Variants in RNGTT observed in about 807,000 individuals in gnomAD.
RNGTT encodes RNA guanylyltransferase and 5'-phosphatase, also known as mRNA-capping enzyme.
Under a neutral mutation model 79.3 loss-of-function variants are expected in RNGTT, and 33 were observed. The ratio of observed to expected loss-of-function variants is 0.42; its 90% CI spans 0.32 to 0.56. RNGTT has a LOEUF of 0.56. Among genes scored for constraint, RNGTT ranks in the 20% least tolerant of loss-of-function variants. The pLI, the probability that RNGTT is intolerant of heterozygous loss-of-function variation, is 0.17. For missense variants in RNGTT, 497 were observed against 739.1 expected (o/e 0.67, Z 3.80); for synonymous variants, 222 against 235.9 (o/e 0.94, Z 0.54).
chr6:88,778,151 T>C (rs150209487), intron 12 of RNGTT, among the ~76,000 whole-genome samples: 3 of 152,288 alleles, frequency 2.0e-5, no homozygotes, highest in African/African-American at 7.2e-5. Context: ...CACTTGGGGA[T>C]TTTAAATGTA....
At chr6:88,941,695 G>T (rs904919018) in intron 1 of RNGTT, among the ~76,000 whole-genome samples, 5 of 144,434 alleles carry the variant, frequency 3.5e-5, no homozygotes, top group Non-Finnish European at 6.0e-5. Context: ...ACGGAGTCTC[G>T]CTCTGTAGCC....
Position 88,611,209 on chromosome 6 carries a change from A to G in RNGTT, c.*1510T>C, listed in dbSNP as rs1232438947. 1 of 152,644 alleles carries G rather than the reference A, an allele frequency of 6.6e-6. No homozygotes were observed. Among genetic ancestry groups the G allele is most frequent in the Non-Finnish European group, 1.5e-5 (1 of 68,050 alleles). The allele number at this position is 152,644 out of a possible 1,614,324, so 9.5% of individuals were successfully genotyped here. On this transcript the variant is annotated 3_prime_UTR_variant, in exon 16 of 16. Transcript: ENST00000369485. ...GCAGGAGAAAACTTTGTTTAAAAAC[A>G]TTAAAACTCAGGTGAATATAAATAC... is the stretch of plus-strand genomic sequence containing the variant.
At chr6:88,809,907 G>A (rs1780080310) in intron 11 of RNGTT, among the ~76,000 whole-genome samples, 2 of 151,356 alleles carry the variant, frequency 1.3e-5, no homozygotes, top group African/African-American at 4.9e-5. Flanking sequence ...AAAGTAGCCA[G>A]GCATGGTGGC....
chr6:88,633,664 C>T (rs1389936742), intron 14 of RNGTT, among the ~76,000 whole-genome samples: 1 of 152,056 alleles, frequency 6.6e-6, no homozygotes, highest in African/African-American at 2.4e-5. Flanking sequence ...AGTCTCTTTC[C>T]AATTCTGCAT....
intron 11 of RNGTT, among the ~76,000 whole-genome samples, chr6:88,803,333 T>C (rs1582479147): frequency 1.3e-5 from 2 of 152,016 alleles, no homozygotes. Flanking sequence ...CCCAGCAATT[T>C]GGGAGGCTGA....
intron 13 of RNGTT, among the ~76,000 whole-genome samples, chr6:88,717,237 A>T (rs1776549753): frequency 6.6e-6 from 1 of 152,228 alleles, no homozygotes; most frequent in South Asian, 2.1e-4. Context: ...GTTATTGTTC[A>T]ATATAATACT....
chr6:88,694,422 A>G (rs1287018710), intron 13 of RNGTT, among the ~76,000 whole-genome samples: 1 of 152,174 alleles, frequency 6.6e-6, no homozygotes, highest in Non-Finnish European at 1.5e-5. Context: ...ACGAAAAATT[A>G]TAAAACACTG....
intron 14 of RNGTT, among the ~76,000 whole-genome samples, chr6:88,656,409 T>C (rs990730597): frequency 2.0e-5 from 3 of 152,168 alleles, no homozygotes; most frequent in African/African-American, 7.2e-5. Context: ...TATTTTAGGA[T>C]AAACAAGAGG....
At position 88,692,453 on chromosome 6, in the gene RNGTT, CA is replaced by C. The variant is rs71754733; in HGVS notation, c.1440-14035del. ...AGTCATACAACAAAATAATACTCAG[CA>C]AAAAAAAAAAGGGCTATTGATAAAT... is the stretch of plus-strand genomic sequence containing the variant. On this transcript the variant is annotated intron_variant, in intron 13 of 15. Transcript: ENST00000369485. 8.7e-3 allele frequency among the ~76,000 whole-genome samples: 1,153 copies of C among 133,112 alleles called. 12 individuals are homozygous for C. The highest frequency in any genetic ancestry group is 0.06 in the East Asian group (279 of 4,672). The allele number at this position is 133,112 out of a possible 152,430, so 87.3% of individuals were successfully genotyped here. A position where few individuals can be genotyped will look rare whatever the true frequency, so the allele number is the denominator to read the frequency against.
intron 6 of RNGTT, among the ~76,000 whole-genome samples, chr6:88,897,383 C>T (rs1007036218): frequency 1.5e-4 from 23 of 152,120 alleles, no homozygotes; most frequent in African/African-American, 5.6e-4. Context: ...TATTTCCCTC[C>T]TATTGCTGAA....
At chr6:88,694,773 CA>C (rs1237592934) in intron 13 of RNGTT, among the ~76,000 whole-genome samples, 3 of 152,096 alleles carry the variant, frequency 2.0e-5, no homozygotes, top group African/African-American at 4.8e-5. Context: ...AGAGAATAGA[CA>C]GCTCAGAAAT....
rs71024314 is a variant in RNGTT at position 88,901,495 on chromosome 6, C to CTTTTT, written c.684+3215_684+3219dup. Among the ~76,000 whole-genome samples, 146 of 65,812 alleles carry CTTTTT rather than the reference C, an allele frequency of 2.2e-3. 25 individuals carry two copies. The highest frequency in any genetic ancestry group is 8.3e-3 in the African/African-American group (117 of 14,060). The allele number at this position is 65,812 out of a possible 152,430, so 43.2% of individuals were successfully genotyped here. Reference sequence around the variant, plus strand: ...AAAAATAACTGTCAAGCACCCTGATCTTTTTTTTTTTTTTTTTTTTTTTTT... The same window carrying CTTTTT: ...AAAAATAACTGTCAAGCACCCTGATCTTTTTTTTTTTTTTTTTTTTTTTTTTTTTT... On this transcript the variant is annotated intron_variant, in intron 6 of 15. Coordinates refer to ENST00000369485, the MANE Select transcript of RNGTT (RefSeq NM_003800.5).
Position 88,890,582 on chromosome 6 carries a change from C to A in RNGTT, c.809G>T (p.Gly270Val). 6.2e-7 allele frequency: 1 copy of A among 1,612,580 alleles called. No homozygotes were observed. Among genetic ancestry groups the A allele is most frequent in the Non-Finnish European group, 8.5e-7 (1 of 1,178,974 alleles). ...CTTGTCCATGGAAACAGGCTGTGCT[C>A]CAGGGAATCCAGACCTTAAAGAAGA... is the stretch of plus-strand genomic sequence containing the variant. ...FCGWEGSGFP[G>V]AQPVSMDKQN... Residue 270 changes from glycine (G) to valine (V), a missense_variant, in exon 8 of 16, where the codon GGA becomes GTA. By Grantham distance (109) the Gly-to-Val change is moderately radical (BLOSUM62 -3). Around this residue, in one of 3 missense-constraint regions of RNGTT, gnomAD observed 440 missense variants for 671.5 expected, o/e 0.66. Coordinates refer to ENST00000369485, the MANE Select transcript of RNGTT (RefSeq NM_003800.5).
chr6:88,898,198 A>G (rs1177563378), intron 6 of RNGTT, among the ~76,000 whole-genome samples: 4 of 152,188 alleles, frequency 2.6e-5, no homozygotes, highest in African/African-American at 9.7e-5. Context: ...GCTTCTTAAA[A>G]TTACCAGTCT....
intron 13 of RNGTT, among the ~76,000 whole-genome samples, chr6:88,680,011 G>T (rs1011150044): frequency 1.3e-5 from 2 of 152,154 alleles, no homozygotes; most frequent in African/African-American, 4.8e-5. Context: ...TCTCTAGGAT[G>T]ACTATAAATT....
At chr6:88,900,697 G>GCA (rs1421144965) in intron 6 of RNGTT, among the ~76,000 whole-genome samples, 3 of 150,456 alleles carry the variant, frequency 2.0e-5, no homozygotes, top group African/African-American at 7.3e-5. Context: ...TTGCACCACT[G>GCA]CACTCCAGCT....
At chr6:88,752,154 T>C (rs1476024835) in intron 13 of RNGTT, among the ~76,000 whole-genome samples, 1 of 152,120 alleles carries the variant, frequency 6.6e-6, no homozygotes, top group African/African-American at 2.4e-5. Context: ...GAAGCTGTCA[T>C]ATGCTAGAGG....
chr6:88,844,041 C>T (rs1781405566), intron 11 of RNGTT, among the ~76,000 whole-genome samples: 1 of 151,288 alleles, frequency 6.6e-6, no homozygotes, highest in Non-Finnish European at 1.5e-5. Flanking sequence ...TAGGAGCAGG[C>T]CTAATGATTT....
intron 14 of RNGTT, among the ~76,000 whole-genome samples, chr6:88,675,779 C>T (rs1774850416): frequency 6.6e-6 from 1 of 150,476 alleles, no homozygotes; most frequent in Non-Finnish European, 1.5e-5. Context: ...TAAATCCTGC[C>T]CAAGTGTCAG....
Sources: gnomAD v4.1 joint callset for allele counts (sites outside exome capture counted in the v4.1 genomes callset) on GRCh38, gnomAD v4.1.1 for gene constraint, gnomAD v4.1.1 regional missense constraint, MANE v1.5 for transcripts, NCBI Gene and HGNC (gene_info 2026-07-23, HGNC 2026-07-21) for gene names.